The following LGR4 variants were observed in gnomAD, a reference collection of about 807,000 sequenced individuals.
LGR4 encodes the protein leucine rich repeat containing G protein-coupled receptor 4.
Under a neutral mutation model 84.8 loss-of-function variants are expected in LGR4, and 44 were observed. That is an observed-to-expected ratio of 0.52 (90% CI 0.41 to 0.67). The LOEUF (loss-of-function observed/expected upper bound fraction) is 0.67, where lower values mean the gene tolerates loss of function less well. Among genes scored for constraint, LGR4 ranks in the 30% least tolerant of loss-of-function variants. LGR4 has a pLI of 0.00. For missense variants in LGR4, 1,032 were observed against 1,131.4 expected (o/e 0.91, Z 1.26); for synonymous variants, 429 against 434.3 (o/e 0.99, Z 0.15).
At chr11:27,469,154 C>T (rs1338577244) in intron 1 of LGR4, among the ~76,000 whole-genome samples, 2 of 152,152 alleles carry the variant, frequency 1.3e-5, no homozygotes, top group Admixed American at 6.5e-5. Context: ...TAAATAGTTG[C>T]TACAGGTGCA....
At chr11:27,471,984 G>C (rs1229046528) in intron 1 of LGR4, 134 bp downstream of exon 1, 3 of 548,026 alleles carry the variant, frequency 5.5e-6, no homozygotes, top group Non-Finnish European at 5.4e-6. Flanking sequence ...GCAGGTGACC[G>C]GCGGACCCCC....
intron 17 of LGR4, among the ~76,000 whole-genome samples, chr11:27,370,406 T>C (rs1862858181): frequency 6.6e-6 from 1 of 152,200 alleles, no homozygotes; most frequent in African/African-American, 2.4e-5. Flanking sequence ...AGGATACCTT[T>C]TGAGAACCCT....
At chr11:27,403,687 T>C (rs1053602628) in intron 2 of LGR4, among the ~76,000 whole-genome samples, 7 of 152,340 alleles carry the variant, frequency 4.6e-5, no homozygotes, top group Admixed American at 4.6e-4. Flanking sequence ...TGGAAACATG[T>C]ACAAAATATT....
intron 1 of LGR4, among the ~76,000 whole-genome samples, chr11:27,454,656 G>C (rs1303716810): frequency 1.3e-5 from 2 of 151,998 alleles, no homozygotes; most frequent in Non-Finnish European, 2.9e-5. Context: ...AGCTACATCA[G>C]GGGCTGAGGC....
chr11:27,423,462 C>T (rs1469351487), intron 1 of LGR4, among the ~76,000 whole-genome samples: 1 of 139,554 alleles, frequency 7.2e-6, no homozygotes, highest in Non-Finnish European at 1.7e-5. Flanking sequence ...ACTCTCTCTC[C>T]TTCTCCCCTC....
At chr11:27,430,643 C>T (rs1298928903) in intron 1 of LGR4, among the ~76,000 whole-genome samples, 1 of 152,130 alleles carries the variant, frequency 6.6e-6, no homozygotes, top group East Asian at 1.9e-4. Context: ...CACCCCTCGA[C>T]CCCTTGCCTC....
intron 15 of LGR4, chr11:27,372,868 C>CT (rs34755558): frequency 1.3e-5 from 2 of 153,854 alleles, no homozygotes; most frequent in Admixed American, 6.4e-5. Context: ...TATTCTCTCT[C>CT]TTTTTTTTAG....
At chr11:27,403,020 T>C (rs540936540) in intron 2 of LGR4, among the ~76,000 whole-genome samples, 2 of 152,300 alleles carry the variant, frequency 1.3e-5, no homozygotes, top group South Asian at 4.1e-4. Context: ...GCCTGATGTG[T>C]TTAAAGACAC....
intron 1 of LGR4, among the ~76,000 whole-genome samples, chr11:27,429,731 A>T (rs1443898623): frequency 1.3e-5 from 2 of 152,158 alleles, no homozygotes; most frequent in Non-Finnish European, 2.9e-5. Flanking sequence ...TTGGCTCTGG[A>T]ATAGAACAAA....
At chr11:27,436,161 T>C (rs1037073672) in intron 1 of LGR4, among the ~76,000 whole-genome samples, 26 of 151,956 alleles carry the variant, frequency 1.7e-4, no homozygotes, top group African/African-American at 6.3e-4. Flanking sequence ...TCCACCCACC[T>C]TGGCCTCCCA....
intron 1 of LGR4, among the ~76,000 whole-genome samples, chr11:27,459,562 C>T (rs1864642300): frequency 6.6e-6 from 1 of 151,824 alleles, no homozygotes; most frequent in African/African-American, 2.4e-5. Flanking sequence ...CTGCAACCTC[C>T]ACCTCCTGGG....
chr11:27,410,203 T>C (rs1863684793), intron 2 of LGR4, among the ~76,000 whole-genome samples: 1 of 152,168 alleles, frequency 6.6e-6, no homozygotes, highest in African/African-American at 2.4e-5. Flanking sequence ...ACTTTGAAGA[T>C]GGGTCATGCT....
chr11:27,394,013 A>G (rs896099954), intron 2 of LGR4, among the ~76,000 whole-genome samples: 24 of 149,620 alleles, frequency 1.6e-4, no homozygotes, highest in Non-Finnish European at 3.4e-4. Context: ...AGGGGTAAGT[A>G]TGAAGAATTA....
intron 15 of LGR4, chr11:27,373,022 GCTAA>G (rs1447182031): frequency 1.3e-5 from 2 of 152,378 alleles, no homozygotes; most frequent in Non-Finnish European, 2.9e-5. Flanking sequence ...ACCACATCCA[GCTAA>G]CTTTTATATT....
intron 13 of LGR4, 105 bp downstream of exon 13, chr11:27,376,194 T>G: frequency 1.4e-6 from 1 of 721,538 alleles, no homozygotes; most frequent in Non-Finnish European, 2.3e-6. Context: ...CAGGCTGAAA[T>G]TAAAATTATA....
chr11:27,377,119 T>C, intron 12 of LGR4, 39 bp downstream of exon 12: 2 of 1,247,034 alleles, frequency 1.6e-6, no homozygotes, highest in South Asian at 1.3e-5. Flanking sequence ...AAACTAACAA[T>C]ACACCACAAC....
intron 1 of LGR4, among the ~76,000 whole-genome samples, chr11:27,431,278 A>G (rs1013397780): frequency 2.0e-5 from 3 of 152,206 alleles, no homozygotes; most frequent in Non-Finnish European, 4.4e-5. Flanking sequence ...CCAACTAATC[A>G]AACACTCTAG....
chr11:27,451,739 T>C (rs1421648432), intron 1 of LGR4, among the ~76,000 whole-genome samples: 1 of 152,180 alleles, frequency 6.6e-6, no homozygotes, highest in African/African-American at 2.4e-5. Context: ...GCAAATATAC[T>C]GAATCATCAG....
chr11:27,430,743 C>G (rs1192360066), intron 1 of LGR4, among the ~76,000 whole-genome samples: 1 of 152,124 alleles, frequency 6.6e-6, no homozygotes, highest in Non-Finnish European at 1.5e-5. Context: ...TGAATTTGAC[C>G]TACACATGGC....
Sources: gnomAD v4.1 joint callset for allele counts (sites outside exome capture counted in the v4.1 genomes callset) on GRCh38, gnomAD v4.1.1 for gene constraint, MANE v1.5 for transcripts, NCBI Gene and HGNC (gene_info 2026-07-23, HGNC 2026-07-21) for gene names.